CTNNA2: variants seen among roughly 807,000 people sequenced by gnomAD.
CTNNA2 encodes the protein catenin alpha-2.
A neutral mutation model predicts 101.0 loss-of-function variants in CTNNA2; 42 were observed. The ratio of observed to expected loss-of-function variants is 0.42; its 90% confidence interval spans 0.32 to 0.54. The LOEUF (loss-of-function observed/expected upper bound fraction) is 0.54. Among genes scored for constraint, CTNNA2 ranks in the 20% least tolerant of loss-of-function variants. The pLI is 0.14. For missense variants in CTNNA2, 871 were observed against 1,223.1 expected (o/e 0.71, Z 4.29); for synonymous variants, 450 against 456.4 (o/e 0.99, Z 0.18).
At chr2:80,266,230 A>T (rs1457088629) in intron 7 of CTNNA2, among the ~76,000 whole-genome samples, 1 of 152,196 alleles carries the variant, frequency 6.6e-6, no homozygotes. Flanking sequence ...GTGCATCCTT[A>T]TGCTAATGTT....
chr2:80,493,578 C>G (rs1378227552), intron 9 of CTNNA2, among the ~76,000 whole-genome samples: 4 of 152,076 alleles, frequency 2.6e-5, no homozygotes, highest in African/African-American at 9.7e-5. Context: ...TTTTTTGAGT[C>G]CTTAGTGAAT....
chr2:79,861,808 A>C (rs1171669133), intron 4 of CTNNA2, among the ~76,000 whole-genome samples: 1 of 152,140 alleles, frequency 6.6e-6, no homozygotes. Flanking sequence ...CCCAAGTGAG[A>C]ATTTAATGTT....
chr2:79,560,138 G>T (rs547336559), intron 1 of CTNNA2, among the ~76,000 whole-genome samples: 3 of 151,594 alleles, frequency 2.0e-5, no homozygotes, highest in African/African-American at 4.8e-5. Flanking sequence ...TGACAACTTG[G>T]AGCAAGTGGC....
At chr2:79,660,024 A>T (rs1204348594) in intron 2 of CTNNA2, among the ~76,000 whole-genome samples, 2 of 152,082 alleles carry the variant, frequency 1.3e-5, no homozygotes, top group Non-Finnish European at 2.9e-5. Flanking sequence ...TTGGGGGTGA[A>T]TGAAGTACCT....
intron 18 of CTNNA2, among the ~76,000 whole-genome samples, chr2:80,630,225 TAA>T (rs1281802362): frequency 6.6e-6 from 1 of 152,196 alleles, no homozygotes. Context: ...TTAAACAAGG[TAA>T]AATGGCTTTC....
chr2:79,396,689 G>C (rs1459914985), intron 4 of CTNNA2, among the ~76,000 whole-genome samples: 1 of 152,116 alleles, frequency 6.6e-6, no homozygotes, highest in Non-Finnish European at 1.5e-5. Context: ...CTTTCCTGAT[G>C]CTATGATTTC....
chr2:79,681,139 A>T (rs1329512087), intron 2 of CTNNA2, among the ~76,000 whole-genome samples: 1 of 152,158 alleles, frequency 6.6e-6, no homozygotes, highest in African/African-American at 2.4e-5. Context: ...TGGGTGACAG[A>T]GTGAGATCCT....
chr2:79,604,917 T>G (rs1471602683), intron 1 of CTNNA2, among the ~76,000 whole-genome samples: 1 of 152,178 alleles, frequency 6.6e-6, no homozygotes, highest in African/African-American at 2.4e-5. Context: ...TATGAATATT[T>G]ATAGAAATAC....
chr2:79,682,693 A>T (rs1558834293), intron 2 of CTNNA2, among the ~76,000 whole-genome samples: 1 of 152,180 alleles, frequency 6.6e-6, no homozygotes, highest in Non-Finnish European at 1.5e-5. Flanking sequence ...AGTTGAGTTA[A>T]AAAATTTTAA....
At position 79,686,800 on chromosome 2, in the gene CTNNA2, G is replaced by A. The variant is rs115488559; in HGVS notation, c.102+35142G>A. 9.8e-3 allele frequency among the ~76,000 whole-genome samples: 1,491 copies of A among 152,088 alleles called. 27 individuals carry two copies. Among genetic ancestry groups the A allele is most frequent in the African/African-American group, 0.033 (1,385 of 41,478 alleles). On this transcript the variant is annotated intron_variant, in intron 2 of 18. Coordinates refer to ENST00000402739, the MANE Select transcript of CTNNA2 (RefSeq NM_001282597.3). ...ACAGTGTGTTCCTGATGATGTGGGT[G>A]TCCCAATTTGAAAAAAATACTAATA...
chr2:79,536,869 CT>C (rs1396361638), intron 1 of CTNNA2, among the ~76,000 whole-genome samples: 1 of 151,788 alleles, frequency 6.6e-6, no homozygotes, highest in Non-Finnish European at 1.5e-5. Context: ...GCCCAGCTAA[CT>C]TTTTGTATTT....
At chr2:79,325,156 T>C (rs1676716712) in intron 3 of CTNNA2, among the ~76,000 whole-genome samples, 1 of 151,890 alleles carries the variant, frequency 6.6e-6, no homozygotes, top group South Asian at 2.1e-4. Context: ...AGAGAGTGTA[T>C]CAAAAAAGAA....
intron 7 of CTNNA2, among the ~76,000 whole-genome samples, chr2:79,951,925 C>T (rs1257717621): frequency 1.3e-5 from 2 of 152,082 alleles, no homozygotes; most frequent in African/African-American, 4.8e-5. Flanking sequence ...ATGTGCATTT[C>T]TGGGCACTTC....
At chr2:79,943,920 G>A (rs1688320544) in intron 7 of CTNNA2, among the ~76,000 whole-genome samples, 1 of 152,008 alleles carries the variant, frequency 6.6e-6, no homozygotes, top group African/African-American at 2.4e-5. Context: ...TAATGTGTTA[G>A]TTCTAGTATA....
intron 7 of CTNNA2, among the ~76,000 whole-genome samples, chr2:79,971,055 C>A (rs1027545486): frequency 6.6e-6 from 1 of 152,124 alleles, no homozygotes; most frequent in Non-Finnish European, 1.5e-5. Flanking sequence ...AATTCAGGTT[C>A]TTCTGTTTTG....
At position 80,347,914 on chromosome 2, in the gene CTNNA2, G is replaced by C. The variant is rs540416625; in HGVS notation, c.1057-45297G>C. Among the ~76,000 whole-genome samples, 180 of 150,818 alleles carry C rather than the reference G, an allele frequency of 1.2e-3. 1 individual carries two copies. The highest frequency in any genetic ancestry group is 4.2e-3 in the African/African-American group (171 of 40,948). ...ATGGCTGTGCATTGGGAGCACCTTG[G>C]GGGGAGTTTTTAAAATACTGATTGA... On this transcript the variant is annotated intron_variant, in intron 7 of 18. Transcript: ENST00000402739.
At chr2:80,585,933 C>CA (rs1437698643) in intron 14 of CTNNA2, among the ~76,000 whole-genome samples, 5 of 152,288 alleles carry the variant, frequency 3.3e-5, no homozygotes, top group African/African-American at 1.2e-4. Context: ...CCAAGTCACA[C>CA]ACCATTAAGT....
At position 80,201,367 on chromosome 2, in the gene CTNNA2, C is replaced by CTTTTTT. The variant is rs60448795; in HGVS notation, c.1057-191825_1057-191820dup. On this transcript the variant is annotated intron_variant, in intron 7 of 18. Coordinates refer to ENST00000402739, the MANE Select transcript of CTNNA2 (RefSeq NM_001282597.3). ...GTATCCACAATATTTCTTTTTCTTT[C>CTTTTTT]TTTTTTTTTTTTTTTTTTTTTTTTG... Among the ~76,000 whole-genome samples the CTTTTTT allele has an allele frequency of 9.7e-4, 78 of 80,720 alleles. 1 individual carries two copies. The highest frequency in any genetic ancestry group is 2.0e-3 in the African/African-American group (37 of 18,934). 53.0% of individuals were successfully genotyped at this position (80,720 alleles called of 152,430 possible). A position where few individuals can be genotyped will look rare whatever the true frequency, so the allele number is the denominator to read the frequency against.
chr2:80,120,902 GC>G (rs1449587944), intron 7 of CTNNA2, among the ~76,000 whole-genome samples: 3 of 152,122 alleles, frequency 2.0e-5, no homozygotes, highest in Admixed American at 6.6e-5. Context: ...CTCAATGATG[GC>G]CATCTTGGAT....
Sources: allele counts gnomAD v4.1 joint callset (sites outside exome capture counted in the v4.1 genomes callset), GRCh38; gene constraint gnomAD v4.1.1; transcripts MANE v1.5; gene names NCBI Gene and HGNC (gene_info 2026-07-23, HGNC 2026-07-21).